The following SEC24A variants were observed in gnomAD, a reference collection of about 807,000 sequenced individuals.
The protein encoded by SEC24A is protein transport protein Sec24A.
A neutral mutation model predicts 129.4 loss-of-function variants in SEC24A; 93 were observed. That is an observed-to-expected ratio of 0.72 (90% CI 0.61 to 0.85). The LOEUF (loss-of-function observed/expected upper bound fraction) is 0.85. Ranked by LOEUF, SEC24A falls within the 40% of genes least tolerant of loss-of-function variation. The pLI, the probability that SEC24A is intolerant of heterozygous loss-of-function variation, is 0.00. For synonymous variants in SEC24A, 460 were observed against 467.3 expected (o/e 0.98, Z 0.20); for missense variants, 1,264 against 1,307.4 (o/e 0.97, Z 0.51).
At chr5:134,694,023 C>T in intron 13 of SEC24A, 90 bp downstream of exon 13, 1 of 1,096,072 alleles carries the variant, frequency 9.1e-7, no homozygotes, top group Non-Finnish European at 1.3e-6. Flanking sequence ...ATTTATTTGT[C>T]AATTGTTGGG....
At chr5:134,680,011 G>A (rs1312389611) in intron 8 of SEC24A, among the ~76,000 whole-genome samples, 1 of 151,982 alleles carries the variant, frequency 6.6e-6, no homozygotes, top group Non-Finnish European at 1.5e-5. Flanking sequence ...TATTACTTAA[G>A]CCAGGAATTT....
At chr5:134,692,986 A>G (rs1414245604) in intron 12 of SEC24A, 5 of 1,477,888 alleles carry the variant, frequency 3.4e-6, no homozygotes, top group Admixed American at 2.0e-5. Context: ...ATAGAAGCAC[A>G]TTAGGTAGGC....
chr5:134,710,781 C>T (rs1305856109), intron 18 of SEC24A, among the ~76,000 whole-genome samples: 1 of 152,112 alleles, frequency 6.6e-6, no homozygotes. Context: ...TATCCAGTGT[C>T]CAAAATTGAA....
In SEC24A at chr5:134,661,329, G is replaced by T. The variant is rs759702999; in HGVS notation, c.308G>T (p.Gly103Val). 1 of 1,614,126 alleles carries T rather than the reference G, an allele frequency of 6.2e-7. No homozygotes were observed. The highest frequency in any genetic ancestry group is 1.3e-5 in the African/African-American group (1 of 75,006). Reference sequence around the variant, plus strand: ...CCAGTGACACCTTCGCTTCATAGTGGTCCTGCTCCCCGAATGCCATTACCT... The same window carrying T: ...CCAGTGACACCTTCGCTTCATAGTGTTCCTGCTCCCCGAATGCCATTACCT... ...SNPVTPSLHS[G>V]PAPRMPLPAS... The change falls in exon 2 of 23, where the codon GGT (glycine) becomes GTT (valine). Residue 103 changes from glycine (G) to valine (V), a missense_variant. Transcript: ENST00000398844.
In SEC24A at chr5:134,679,639, G is replaced by A; in HGVS notation, c.1292G>A (p.Cys431Tyr). The A allele has an allele frequency of 6.3e-7, 1 of 1,592,712 alleles. No individual in the cohort carries two copies. The highest frequency in any genetic ancestry group is 8.6e-7 in the Non-Finnish European group (1 of 1,165,474). The change falls in exon 8 of 23, where the codon TGC (cysteine) becomes TAC (tyrosine). Residue 431 changes from cysteine to tyrosine, a missense_variant. Cys to Tyr is a radical substitution (Grantham distance 194). Transcript: ENST00000398844. ...GTTACCTCCAGTACAATTGTGAGAT[G>A]CCGTTCATGCAGGACGTACATCAAT... ...PVVTSSTIVR[C>Y]RSCRTYINPF... is the part of the protein sequence containing the mutation.
chr5:134,694,167 A>G (rs1443312387), intron 13 of SEC24A, among the ~76,000 whole-genome samples: 1 of 152,166 alleles, frequency 6.6e-6, no homozygotes, highest in Admixed American at 6.6e-5. Context: ...CTTCAGAGAG[A>G]TAGTCTGGGA....
At position 134,679,738 on chromosome 5, in the gene SEC24A, G is replaced by T; in HGVS notation, c.1381+10G>T. 6.4e-7 allele frequency: 1 copy of T among 1,551,512 alleles called. No individual in the cohort carries two copies. Reference sequence around the variant, plus strand: ...TATCGAGTCAATGATGGTATGGGATGCTTTTTTGAAACATTTAAACGTTTC... The same window carrying T: ...TATCGAGTCAATGATGGTATGGGATTCTTTTTTGAAACATTTAAACGTTTC... On this transcript the variant is annotated intron_variant, in intron 8 of 22. Coordinates refer to ENST00000398844, the MANE Select transcript of SEC24A (RefSeq NM_021982.3).
intron 16 of SEC24A, among the ~76,000 whole-genome samples, chr5:134,704,960 A>G (rs1287347522): frequency 6.6e-6 from 1 of 151,368 alleles, no homozygotes; most frequent in Admixed American, 6.6e-5. Context: ...CTGGGATTAC[A>G]GGTGTGAGCC....
intron 18 of SEC24A, among the ~76,000 whole-genome samples, chr5:134,712,624 TA>T (rs1200162995): frequency 2.3e-4 from 35 of 151,718 alleles, no homozygotes; most frequent in Non-Finnish European, 7.4e-5. Context: ...CATAAATATT[TA>T]ATTTTTTTTT....
At position 134,708,734 on chromosome 5, in the gene SEC24A, C is replaced by T. The variant is rs767978874; in HGVS notation, c.2573C>T (p.Ala858Val). Reference protein sequence around the residue: ...ANMAVDRSMTASLSDARDALV... With the variant: ...ANMAVDRSMTVSLSDARDALV... The stretch of plus-strand genomic sequence containing the variant: ...TTAGCTGTTGACAGATCTATGACTG[C>T]CAGTCTGAGTGACGCTCGGGATGCT... Residue 858 changes from alanine (A) to valine (V), a missense_variant, in exon 18 of 23, where the codon GCC becomes GTC. By Grantham distance (64) the Ala-to-Val change is moderately conservative. Coordinates refer to ENST00000398844, the MANE Select transcript of SEC24A (RefSeq NM_021982.3). 6.2e-7 allele frequency: 1 copy of T among 1,613,588 alleles called. No individual in the cohort carries two copies. The highest frequency in any genetic ancestry group is 8.5e-7 in the Non-Finnish European group (1 of 1,179,858).
At chr5:134,712,838 T>C (rs985382119) in intron 18 of SEC24A, among the ~76,000 whole-genome samples, 2 of 150,916 alleles carry the variant, frequency 1.3e-5, no homozygotes, top group Non-Finnish European at 1.5e-5. Flanking sequence ...CAGGATGGCC[T>C]CAATTTCCTG....
intron 13 of SEC24A, among the ~76,000 whole-genome samples, chr5:134,694,774 G>A (rs1280974775): frequency 6.7e-6 from 1 of 148,236 alleles, no homozygotes; most frequent in South Asian, 2.1e-4. Context: ...AGCCAAGATC[G>A]CACCATTGCA....
At chr5:134,667,682 A>G (rs965728239) in intron 3 of SEC24A, among the ~76,000 whole-genome samples, 1 of 151,522 alleles carries the variant, frequency 6.6e-6, no homozygotes, top group Non-Finnish European at 1.5e-5. Context: ...AAAAAAAAAA[A>G]CAAGATATAT....
At position 134,715,036 on chromosome 5, in the gene SEC24A, A is replaced by C; in HGVS notation, c.2740A>C (p.Thr914Pro). ...LALLKQKSFQ[T>P]GTNARLDERI... The stretch of plus-strand genomic sequence containing the variant: ...TTTTCTGTTACAGAAATCATTCCAG[A>C]CTGGGACAAATGCACGTCTAGATGA... Residue 914 changes from threonine to proline, a missense_variant, in exon 19 of 23, where the codon ACT (threonine) becomes CCT (proline). Thr to Pro is a conservative substitution (Grantham distance 38). Coordinates refer to ENST00000398844, the MANE Select transcript of SEC24A (RefSeq NM_021982.3). 6.2e-7 allele frequency: 1 copy of C among 1,612,980 alleles called. No individual in the cohort carries two copies. Among genetic ancestry groups the C allele is most frequent in the Non-Finnish European group, 8.5e-7 (1 of 1,179,620 alleles).
intron 15 of SEC24A, among the ~76,000 whole-genome samples, chr5:134,702,143 G>C (rs575839371): frequency 1.3e-5 from 2 of 152,146 alleles, no homozygotes; most frequent in South Asian, 4.1e-4. Flanking sequence ...TATACGTACA[G>C]ACACACATTC....
chr5:134,668,678 A>G (rs1750750248), intron 3 of SEC24A, among the ~76,000 whole-genome samples: 1 of 151,798 alleles, frequency 6.6e-6, no homozygotes, highest in Non-Finnish European at 1.5e-5. Flanking sequence ...GTGAGCCAAG[A>G]TGGCATGATC....
chr5:134,701,599 C>T (rs1752010045), intron 15 of SEC24A, among the ~76,000 whole-genome samples: 1 of 151,770 alleles, frequency 6.6e-6, no homozygotes, highest in Non-Finnish European at 1.5e-5. Context: ...CAACCTTCGC[C>T]TCCCGGGGTC....
At chr5:134,664,792 CTTT>C (rs70976552) in intron 2 of SEC24A, among the ~76,000 whole-genome samples, 5 of 86,194 alleles carry the variant, frequency 5.8e-5, no homozygotes, top group Admixed American at 1.9e-4. Flanking sequence ...TTTTCTTTTT[CTTT>C]TTTTTTTTTT....
rs370152717 is a variant in SEC24A, at chr5:134,648,924, G to A, written c.-153G>A. 6.5e-4 allele frequency: 368 copies of A among 568,888 alleles called. 3 individuals carry two copies. The South Asian group carries it at 7.7e-3, about 12-fold the overall frequency. 35.2% of individuals were successfully genotyped at this position (568,888 alleles called of 1,614,324 possible). A position where few individuals can be genotyped will look rare whatever the true frequency, so the allele number is the denominator to read the frequency against. On this transcript the variant is annotated 5_prime_UTR_variant, in exon 1 of 23. Transcript: ENST00000398844. ...CCGCCGGTGGCCTGGGGAGAGTGCG[G>A]CGCCATGCCTCGGGCTTAATGCGCC... is the stretch of plus-strand genomic sequence containing the variant.
Sources: allele counts gnomAD v4.1 joint callset (sites outside exome capture counted in the v4.1 genomes callset), GRCh38; gene constraint gnomAD v4.1.1; transcripts MANE v1.5; gene names NCBI Gene and HGNC (gene_info 2026-07-23, HGNC 2026-07-21).